NEGR1: variants seen among roughly 807,000 people sequenced by gnomAD.
The protein encoded by NEGR1 is neuronal growth regulator 1, also known as IgLON family member 4.
In NEGR1, 10 loss-of-function variants were observed where a neutral mutation model predicts 40.9. That is an observed-to-expected ratio of 0.24 (90% CI 0.15 to 0.42). The LOEUF is 0.42. Ranked by LOEUF, NEGR1 falls within the 10% of genes least tolerant of loss-of-function variation. The probability of loss-of-function intolerance (pLI) is 1.00; values close to 1 mark genes in which losing one functional copy is unlikely to be tolerated. For synonymous variants in NEGR1, 185 were observed against 166.8 expected, an observed-to-expected ratio of 1.11 and a Z score of -0.84; for missense variants, 352 against 438.9, an observed-to-expected ratio of 0.80 and a Z score of 1.77.
At chr1:71,568,164 T>C (rs192486256) in intron 6 of NEGR1, among the ~76,000 whole-genome samples, 3 of 152,340 alleles carry the variant, frequency 2.0e-5, no homozygotes, top group Non-Finnish European at 4.4e-5. Flanking sequence ...AGTTGGATTA[T>C]TGACTTCCTT....
chr1:71,953,134 T>A (rs1646087022), intron 1 of NEGR1, among the ~76,000 whole-genome samples: 1 of 151,956 alleles, frequency 6.6e-6, no homozygotes, highest in East Asian at 1.9e-4. Flanking sequence ...TAATTTCAAC[T>A]TTCAAGCCTT....
intron 4 of NEGR1, among the ~76,000 whole-genome samples, chr1:71,612,983 G>T (rs1650311737): frequency 6.6e-6 from 1 of 152,182 alleles, no homozygotes; most frequent in South Asian, 2.1e-4. Flanking sequence ...TCATTTCAAG[G>T]AATTGACTTT....
intron 2 of NEGR1, among the ~76,000 whole-genome samples, chr1:71,823,754 G>A (rs978294426): frequency 2.0e-5 from 3 of 152,018 alleles, no homozygotes; most frequent in African/African-American, 7.2e-5. Flanking sequence ...TACAGATAAA[G>A]TGTTGAGAAA....
intron 1 of NEGR1, among the ~76,000 whole-genome samples, chr1:72,123,793 A>C (rs1199776486): frequency 3.3e-5 from 5 of 152,000 alleles, no homozygotes; most frequent in African/African-American, 1.2e-4. Flanking sequence ...TCTTTATTAC[A>C]ATGTCTGTAT....
At chr1:71,479,225 A>G (rs1331589197) in intron 6 of NEGR1, among the ~76,000 whole-genome samples, 1 of 152,012 alleles carries the variant, frequency 6.6e-6, no homozygotes, top group Admixed American at 6.6e-5. Flanking sequence ...TGTGCTCATC[A>G]GTCGACGCAG....
chr1:72,013,369 A>G (rs1254374739), intron 1 of NEGR1, among the ~76,000 whole-genome samples: 1 of 152,104 alleles, frequency 6.6e-6, no homozygotes, highest in African/African-American at 2.4e-5. Flanking sequence ...GGAACCTCGG[A>G]GAACAGTCTC....
intron 6 of NEGR1, among the ~76,000 whole-genome samples, chr1:71,576,723 A>G (rs909332410): frequency 1.3e-5 from 2 of 152,242 alleles, no homozygotes; most frequent in African/African-American, 4.8e-5. Flanking sequence ...CCATGTAGGT[A>G]AAGGCCAGTG....
intron 1 of NEGR1, among the ~76,000 whole-genome samples, chr1:72,264,175 A>C (rs565253338): frequency 6.6e-6 from 1 of 151,538 alleles, no homozygotes; most frequent in East Asian, 1.9e-4. Flanking sequence ...ATACAGAATA[A>C]GAAATCAGAT....
At chr1:72,000,031 G>T (rs1446199674) in intron 1 of NEGR1, among the ~76,000 whole-genome samples, 1 of 151,450 alleles carries the variant, frequency 6.6e-6, no homozygotes, top group African/African-American at 2.4e-5. Context: ...TATGTTGTTC[G>T]GTTCCCAGAA....
chr1:71,618,985 T>A (rs1455206724), intron 4 of NEGR1, among the ~76,000 whole-genome samples: 1 of 152,144 alleles, frequency 6.6e-6, no homozygotes, highest in Non-Finnish European at 1.5e-5. Context: ...TAAGGTGAAC[T>A]GTCATTACTG....
chr1:71,899,880 G>A (rs941047085), intron 2 of NEGR1, among the ~76,000 whole-genome samples: 3 of 152,014 alleles, frequency 2.0e-5, no homozygotes, highest in Non-Finnish European at 4.4e-5. Flanking sequence ...ATGGTCAAGG[G>A]TCCACTCTAA....
At chr1:72,019,263 T>C (rs1351106286) in intron 1 of NEGR1, among the ~76,000 whole-genome samples, 1 of 152,200 alleles carries the variant, frequency 6.6e-6, no homozygotes, top group Non-Finnish European at 1.5e-5. Context: ...AAATAGTCTA[T>C]TCAGAGTTCT....
Position 71,697,973 on chromosome 1 carries a change from C to T in NEGR1, c.667+35G>A, listed in dbSNP as rs1341620133. The T allele has an allele frequency of 2.5e-6, 4 of 1,585,350 alleles. No individual in the cohort carries two copies. In the African/African-American group the frequency reaches 4.1e-5, roughly 16 times the overall value. On this transcript the variant is annotated intron_variant, in intron 4 of 6. Coordinates refer to ENST00000357731, the MANE Select transcript of NEGR1 (RefSeq NM_173808.3). ...TTTTTCAAGGTGTTTTATCTTTTCTCAGAACTTATCTTGATAAAAGGTGAT... is the reference window on the plus strand; with the variant it reads ...TTTTTCAAGGTGTTTTATCTTTTCTTAGAACTTATCTTGATAAAAGGTGAT...
intron 6 of NEGR1, among the ~76,000 whole-genome samples, chr1:71,482,569 A>G (rs1485987687): frequency 6.6e-6 from 1 of 151,884 alleles, no homozygotes; most frequent in Admixed American, 6.6e-5. Flanking sequence ...ATTCTCATTT[A>G]TTTAATCTTC....
At chr1:72,233,274 T>G (rs189669674) in intron 1 of NEGR1, among the ~76,000 whole-genome samples, 1 of 152,166 alleles carries the variant, frequency 6.6e-6, no homozygotes, top group Non-Finnish European at 1.5e-5. Context: ...AGGGAAACTT[T>G]ATTAATTTTT....
At chr1:72,033,583 T>A (rs1646877685) in intron 1 of NEGR1, among the ~76,000 whole-genome samples, 1 of 152,202 alleles carries the variant, frequency 6.6e-6, no homozygotes, top group Admixed American at 6.5e-5. Flanking sequence ...CATATTAACA[T>A]ATGCAACCAT....
chr1:72,081,456 C>CT (rs977674178), intron 1 of NEGR1, among the ~76,000 whole-genome samples: 2 of 152,102 alleles, frequency 1.3e-5, no homozygotes. Flanking sequence ...TTACAGATGA[C>CT]TTTCAGTTAC....
chr1:71,876,331 C>A (rs184955676), intron 2 of NEGR1, among the ~76,000 whole-genome samples: 1 of 151,896 alleles, frequency 6.6e-6, no homozygotes, highest in Non-Finnish European at 1.5e-5. Flanking sequence ...GGCAACATGG[C>A]AAAACACTGT....
At chr1:71,415,343 C>T (rs968147247) in intron 6 of NEGR1, among the ~76,000 whole-genome samples, 3 of 152,128 alleles carry the variant, frequency 2.0e-5, no homozygotes, top group Non-Finnish European at 4.4e-5. Context: ...TTATTCTTAG[C>T]GACTACAGAG....
Sources: allele counts gnomAD v4.1 joint callset (sites outside exome capture counted in the v4.1 genomes callset), GRCh38; gene constraint gnomAD v4.1.1; transcripts MANE v1.5; gene names NCBI Gene and HGNC (gene_info 2026-07-23, HGNC 2026-07-21).